Variants in WDHD1 observed in about 807,000 individuals in gnomAD.
WDHD1 encodes the protein WD repeat and HMG-box DNA binding protein 1, also known as WD repeat and HMG-box DNA-binding protein 1.
In WDHD1, 111 loss-of-function variants were observed where a neutral mutation model predicts 135.4. That is an observed-to-expected ratio of 0.82 (90% CI 0.70 to 0.96). The LOEUF is 0.96. WDHD1 is among the 40% of genes least tolerant of loss of function. The probability of loss-of-function intolerance (pLI) is 0.00; values close to 1 mark genes in which losing one functional copy is unlikely to be tolerated. For missense variants in WDHD1, 1,351 were observed against 1,336.3 expected (o/e 1.01, Z -0.17); for synonymous variants, 434 against 439.0 (o/e 0.99, Z 0.14).
At position 55,000,646 on chromosome 14, in the gene WDHD1, T is replaced by C; in HGVS notation, c.801-2A>G. 6.5e-7 allele frequency: 1 copy of C among 1,531,394 alleles called. No individual in the cohort carries two copies. Among genetic ancestry groups the C allele is most frequent in the Non-Finnish European group, 8.8e-7 (1 of 1,140,000 alleles). 94.9% of individuals were successfully genotyped at this position (1,531,394 alleles called of 1,614,324 possible). A position where few individuals can be genotyped will look rare whatever the true frequency, so the allele number is the denominator to read the frequency against. The stretch of plus-strand genomic sequence containing the variant: ...GCATAACCTTTCTCATGTTTCACCC[T>C]AAAAATTAAAAAGTAGGTTCTAAAA... On this transcript the variant is annotated splice_acceptor_variant, in intron 9 of 25. Coordinates refer to ENST00000360586, the MANE Select transcript of WDHD1 (RefSeq NM_007086.4). LOFTEE classifies it high-confidence loss of function.
At chr14:55,000,471 T>G in intron 10 of WDHD1, 32 bp downstream of exon 10, 1 of 1,537,448 alleles carries the variant, frequency 6.5e-7, no homozygotes, top group Admixed American at 2.1e-5. Context: ...AGAAACATTT[T>G]GAAGAAACTG....
chr14:54,974,729 A>G (rs1387922556), intron 16 of WDHD1, among the ~76,000 whole-genome samples: 1 of 152,164 alleles, frequency 6.6e-6, no homozygotes, highest in Non-Finnish European at 1.5e-5. Flanking sequence ...TGGGAGGCTG[A>G]GGCATAAGAA....
At chr14:55,026,534 T>C (rs975909389) in intron 2 of WDHD1, among the ~76,000 whole-genome samples, 177 bp downstream of exon 2, 6 of 111,734 alleles carry the variant, frequency 5.4e-5, no homozygotes, top group African/African-American at 1.3e-4. Context: ...GTCGATATAC[T>C]ACAACTACCA....
chr14:55,017,558 G>A (rs111242749), intron 2 of WDHD1, among the ~76,000 whole-genome samples: 2 of 152,262 alleles, frequency 1.3e-5, no homozygotes, highest in African/African-American at 4.8e-5. Context: ...GGCCAGCCTG[G>A]TCTCGAACTC....
chr14:54,955,448 C>G (rs2041136727), intron 24 of WDHD1, 113 bp downstream of exon 24: 1 of 1,118,316 alleles, frequency 8.9e-7, no homozygotes, highest in Non-Finnish European at 1.2e-6. Context: ...TGCCCACTAC[C>G]AATGCCAATG....
At chr14:54,969,148 C>A (rs999096273) in intron 16 of WDHD1, among the ~76,000 whole-genome samples, 33 of 152,098 alleles carry the variant, frequency 2.2e-4, no homozygotes, top group Non-Finnish European at 4.1e-4. Flanking sequence ...ACGCAATTCT[C>A]CTGCCTCAGC....
At chr14:54,951,556 A>G (rs943866730) in intron 24 of WDHD1, among the ~76,000 whole-genome samples, 2 of 152,234 alleles carry the variant, frequency 1.3e-5, no homozygotes, top group African/African-American at 2.4e-5. Flanking sequence ...TTCACAGCCA[A>G]ATTCTACCAG....
At chr14:54,998,731 C>T (rs2041929072) in intron 10 of WDHD1, among the ~76,000 whole-genome samples, 1 of 152,096 alleles carries the variant, frequency 6.6e-6, no homozygotes. Flanking sequence ...CCCCAACCGC[C>T]ATGCTTGCAT....
intron 24 of WDHD1, among the ~76,000 whole-genome samples, chr14:54,955,111 T>C (rs1595062886): frequency 6.6e-6 from 1 of 152,184 alleles, no homozygotes; most frequent in South Asian, 2.1e-4. Context: ...TACAGAATAA[T>C]GTGTAAAACA....
intron 12 of WDHD1, among the ~76,000 whole-genome samples, chr14:54,989,879 G>C (rs2041756432): frequency 6.6e-6 from 1 of 151,974 alleles, no homozygotes; most frequent in Non-Finnish European, 1.5e-5. Context: ...GGCCAGGCTG[G>C]TCTCCAACTC....
At chr14:55,009,459 T>C (rs2042128658) in intron 4 of WDHD1, among the ~76,000 whole-genome samples, 1 of 150,590 alleles carries the variant, frequency 6.6e-6, no homozygotes, top group Admixed American at 6.6e-5. Context: ...TGAGACAGAG[T>C]TTCACTCTTG....
chr14:55,008,615 A>G lies in WDHD1; in HGVS notation c.446T>C (p.Ile149Thr), dbSNP rs2042112168. 1 of 1,591,476 alleles carries G rather than the reference A, an allele frequency of 6.3e-7. No homozygotes were observed. Among genetic ancestry groups the G allele is most frequent in the Non-Finnish European group, 8.5e-7 (1 of 1,172,644 alleles). Residue 149 changes from isoleucine to threonine, a missense_variant, in exon 5 of 26, where the codon ATC becomes ACC. Ile to Thr is a moderately conservative substitution (Grantham distance 89). Coordinates refer to ENST00000360586, the MANE Select transcript of WDHD1 (RefSeq NM_007086.4). ...VLSLSFDPKD[I>T]FLASASCDGS... ...GAAGGAAAAAATAATTACCAGAAAG[A>G]TGTCCTTAGGATCAAAGGAAAGACT...
At chr14:54,982,985 C>T (rs2041642144) in intron 15 of WDHD1, among the ~76,000 whole-genome samples, 1 of 151,776 alleles carries the variant, frequency 6.6e-6, no homozygotes, top group African/African-American at 2.4e-5. Flanking sequence ...GCCAACATGA[C>T]AAAACCCCAT....
rs746848106 is a variant in WDHD1, at chr14:54,957,619, GCTAAAGGTAA to G, written c.2708_2717del (p.Val903AlafsTer6). On this transcript the variant is annotated frameshift_variant, in exon 22 of 26. Transcript: ENST00000360586. LOFTEE classifies it high-confidence loss of function. Reference sequence around the variant, plus strand: ...TAAAGGGATTTACTCGTCCTTGGCTGCTAAAGGTAACTGCACCTTTCACAAAAAAGAAACC... The same window carrying G: ...TAAAGGGATTTACTCGTCCTTGGCTGCTGCACCTTTCACAAAAAAGAAACC... The G allele has an allele frequency of 6.2e-7, 1 of 1,607,892 alleles. No homozygotes were observed. Among genetic ancestry groups the G allele is most frequent in the African/African-American group, 1.3e-5 (1 of 74,598 alleles).
At chr14:55,009,939 G>C (rs1221598976) in intron 4 of WDHD1, among the ~76,000 whole-genome samples, 2 of 151,952 alleles carry the variant, frequency 1.3e-5, no homozygotes, top group African/African-American at 2.4e-5. Flanking sequence ...TCCTGCCTCA[G>C]CTTCCCGAGT....
intron 16 of WDHD1, among the ~76,000 whole-genome samples, chr14:54,974,092 A>T (rs922191546): frequency 1.3e-4 from 17 of 130,836 alleles, no homozygotes; most frequent in South Asian, 2.2e-4. Context: ...AGAGGAATTT[A>T]AAAAAAAAAA....
chr14:54,960,933 G>A (rs1449667958), intron 21 of WDHD1, among the ~76,000 whole-genome samples: 2 of 152,228 alleles, frequency 1.3e-5, no homozygotes, highest in East Asian at 3.9e-4. Flanking sequence ...CCAAATACCT[G>A]GGACTACCGG....
chr14:54,950,056 C>T (rs541360022), intron 24 of WDHD1, among the ~76,000 whole-genome samples: 3 of 152,240 alleles, frequency 2.0e-5, no homozygotes, highest in Non-Finnish European at 2.9e-5. Flanking sequence ...ATTGTAAAGA[C>T]CATCAAGGCT....
chr14:55,015,300 T>C (rs796850888), intron 2 of WDHD1, among the ~76,000 whole-genome samples: 2 of 138,344 alleles, frequency 1.4e-5, no homozygotes, highest in African/African-American at 5.4e-5. Flanking sequence ...GGCATGAGAA[T>C]CATTTGAACC....
Sources: allele counts gnomAD v4.1 joint callset (sites outside exome capture counted in the v4.1 genomes callset), GRCh38; gene constraint gnomAD v4.1.1; transcripts MANE v1.5; gene names NCBI Gene and HGNC (gene_info 2026-07-23, HGNC 2026-07-21).